Variants in SCTR observed in about 807,000 individuals in gnomAD.
The protein encoded by SCTR is pancreatic secretin receptor.
A neutral mutation model predicts 60.8 loss-of-function variants in SCTR; 56 were observed. That is an observed-to-expected ratio of 0.92 (90% confidence interval 0.74 to 1.15). The LOEUF (loss-of-function observed/expected upper bound fraction) is 1.15, where lower values mean the gene tolerates loss of function less well. Among genes scored for constraint, SCTR ranks in the 50% most tolerant of loss-of-function variants. The pLI, the probability that SCTR is intolerant of heterozygous loss-of-function variation, is 0.00. For synonymous variants in SCTR, 202 were observed against 217.0 expected (o/e 0.93, Z 0.61); for missense variants, 562 against 550.4 (o/e 1.02, Z -0.21).
intron 3 of SCTR, 99 bp from the exon 4 acceptor site, chr2:119,473,655 T>A (rs748568700): frequency 1.3e-5 from 10 of 777,012 alleles, no homozygotes; most frequent in Non-Finnish European, 2.0e-5. Flanking sequence ...AACCACTCTA[T>A]AGTGTGGAAA....
chr2:119,524,076 G>A, intron 1 of SCTR, 79 bp downstream of exon 1: 2 of 1,133,162 alleles, frequency 1.8e-6, no homozygotes, highest in East Asian at 2.7e-5. Context: ...CTCTCCACCT[G>A]CATCCTGCCC....
In SCTR at chr2:119,508,383, CTTTTTTTTTTTTTTT is replaced by C. The variant is rs34070844; in HGVS notation, c.73-13850_73-13836del. 5.2e-5 allele frequency among the ~76,000 whole-genome samples: 4 copies of C among 77,376 alleles called. 1 individual carries two copies. The highest frequency in any genetic ancestry group is 3.6e-4 in the Admixed American group (2 of 5,612). 50.8% of individuals were successfully genotyped at this position (77,376 alleles called of 152,430 possible). ...CTTTCTTTTTCTTCTTCTTCTTCTT[CTTTTTTTTTTTTTTT>C]TTTTTTTTTTGGCAATCTCGCTCTG... On this transcript the variant is annotated intron_variant, in intron 1 of 12. Coordinates refer to ENST00000019103, the MANE Select transcript of SCTR (RefSeq NM_002980.3).
At position 119,439,940 on chromosome 2, in the gene SCTR, T is replaced by C. The variant is rs1418452468; in HGVS notation, c.*177A>G. The C allele has an allele frequency of 3.2e-6, 2 of 631,730 alleles. No homozygotes were observed. Among genetic ancestry groups the C allele is most frequent in the African/African-American group, 3.7e-5 (2 of 54,500 alleles). 39.1% of individuals were successfully genotyped at this position (631,730 alleles called of 1,614,324 possible). A position where few individuals can be genotyped will look rare whatever the true frequency, so the allele number is the denominator to read the frequency against. On this transcript the variant is annotated 3_prime_UTR_variant, in exon 13 of 13. Coordinates refer to ENST00000019103, the MANE Select transcript of SCTR (RefSeq NM_002980.3). Reference sequence around the variant, plus strand: ...GCAAACGAACCAAATCCCAGGCCCTTGTCCTGCCCCACAGTGCCTCACATC... The same window carrying C: ...GCAAACGAACCAAATCCCAGGCCCTCGTCCTGCCCCACAGTGCCTCACATC...
At chr2:119,459,718 G>C (rs1487529111) in intron 7 of SCTR, among the ~76,000 whole-genome samples, 1 of 152,042 alleles carries the variant, frequency 6.6e-6, no homozygotes, top group Non-Finnish European at 1.5e-5. Context: ...AGAAAGGAAG[G>C]TTCTTATTAT....
chr2:119,456,061 C>CT (rs34764285), intron 7 of SCTR, among the ~76,000 whole-genome samples: 1,843 of 121,040 alleles, frequency 0.015, 40 homozygotes, highest in African/African-American at 0.037. Flanking sequence ...GATTTTTCAA[C>CT]TTTTTTTTTT....
intron 1 of SCTR, among the ~76,000 whole-genome samples, chr2:119,516,196 T>C (rs1423544286): frequency 6.6e-6 from 1 of 152,180 alleles, no homozygotes; most frequent in Middle Eastern, 3.2e-3. Context: ...TAACATATGA[T>C]TCAGGAATCA....
intron 1 of SCTR, among the ~76,000 whole-genome samples, chr2:119,501,031 A>T (rs1369767071): frequency 6.6e-6 from 1 of 152,210 alleles, no homozygotes; most frequent in Non-Finnish European, 1.5e-5. Flanking sequence ...AAAAAAATTT[A>T]ATAACAAAAG....
intron 10 of SCTR, 59 bp downstream of exon 10, chr2:119,448,630 G>C: frequency 1.1e-6 from 1 of 930,170 alleles, no homozygotes; most frequent in Admixed American, 1.8e-5. Flanking sequence ...TAAGTAAACA[G>C]TAGGTGCTCA....
At chr2:119,442,187 G>A (rs1187638369) in intron 11 of SCTR, among the ~76,000 whole-genome samples, 1 of 152,192 alleles carries the variant, frequency 6.6e-6, no homozygotes, top group Non-Finnish European at 1.5e-5. Context: ...GTGTGGCAAG[G>A]TCTGTGCCTG....
At chr2:119,473,583 G>A (rs756658892) in intron 3 of SCTR, 27 bp from the exon 4 acceptor site, 5 of 1,413,428 alleles carry the variant, frequency 3.5e-6, no homozygotes, top group Non-Finnish European at 5.0e-6. Context: ...TCCTGTAGGT[G>A]AGCCATGGGC....
At chr2:119,491,656 C>T (rs538928770) in intron 2 of SCTR, among the ~76,000 whole-genome samples, 26 of 152,212 alleles carry the variant, frequency 1.7e-4, no homozygotes, top group Admixed American at 6.5e-4. Context: ...GGATTACAGG[C>T]GCCCACAACC....
chr2:119,468,354 AG>A (rs1279309955), intron 4 of SCTR, among the ~76,000 whole-genome samples: 1 of 152,228 alleles, frequency 6.6e-6, no homozygotes, highest in Non-Finnish European at 1.5e-5. Context: ...AGTGTACTGT[AG>A]AGAAAGAACA....
At chr2:119,448,433 C>T (rs1251391781) in intron 10 of SCTR, among the ~76,000 whole-genome samples, 1 of 152,190 alleles carries the variant, frequency 6.6e-6, no homozygotes, top group Non-Finnish European at 1.5e-5. Flanking sequence ...GACTCCCTAG[C>T]CTTGCCCCAA....
chr2:119,509,395 A>G (rs1389727017), intron 1 of SCTR, among the ~76,000 whole-genome samples: 1 of 152,214 alleles, frequency 6.6e-6, no homozygotes, highest in African/African-American at 2.4e-5. Context: ...GGCGGTATCA[A>G]TGTGTGTGAA....
At chr2:119,493,994 T>C (rs1406916567) in intron 2 of SCTR, among the ~76,000 whole-genome samples, 1 of 152,162 alleles carries the variant, frequency 6.6e-6, no homozygotes, top group Non-Finnish European at 1.5e-5. Flanking sequence ...ATAATTTGCC[T>C]GTGTTCACAC....
At chr2:119,473,905 G>T (rs1677144192) in intron 3 of SCTR, among the ~76,000 whole-genome samples, 1 of 152,208 alleles carries the variant, frequency 6.6e-6, no homozygotes, top group South Asian at 2.1e-4. Flanking sequence ...CTCCCATCAT[G>T]ACTTTTTCTC....
chr2:119,508,229 T>C (rs989533261), intron 1 of SCTR, among the ~76,000 whole-genome samples: 5 of 152,066 alleles, frequency 3.3e-5, no homozygotes, highest in African/African-American at 1.2e-4. Context: ...TATTCAACCA[T>C]GGGGATGGGA....
At chr2:119,483,042 G>A (rs556803735) in intron 2 of SCTR, among the ~76,000 whole-genome samples, 8 of 152,364 alleles carry the variant, frequency 5.3e-5, no homozygotes, top group Admixed American at 3.9e-4. Flanking sequence ...TTCAGTGCTG[G>A]CTGGACTGGC....
intron 7 of SCTR, among the ~76,000 whole-genome samples, chr2:119,453,652 TG>T (rs1328216015): frequency 6.6e-6 from 1 of 152,176 alleles, no homozygotes; most frequent in African/African-American, 2.4e-5. Context: ...ATAGAGGGGC[TG>T]GGACTCCTGG....
Sources: allele counts gnomAD v4.1 joint callset (sites outside exome capture counted in the v4.1 genomes callset), GRCh38; gene constraint gnomAD v4.1.1; transcripts MANE v1.5; gene names NCBI Gene and HGNC (gene_info 2026-07-23, HGNC 2026-07-21).